Variants in PPP1R13B observed in about 807,000 individuals in gnomAD.
The protein encoded by PPP1R13B is protein phosphatase 1 regulatory subunit 13B.
Under a neutral mutation model 119.8 loss-of-function variants are expected in PPP1R13B, and 44 were observed. The observed-to-expected ratio is 0.37, with a 90% confidence interval of 0.29 to 0.47. PPP1R13B has a LOEUF of 0.47. PPP1R13B is among the 20% of genes least tolerant of loss of function. The pLI is 0.99. For synonymous variants in PPP1R13B, 542 were observed against 561.5 expected, an observed-to-expected ratio of 0.97 and a Z score of 0.49; for missense variants, 1,227 against 1,413.5, an observed-to-expected ratio of 0.87 and a Z score of 2.12.
intron 12 of PPP1R13B, 40 bp downstream of exon 12, chr14:103,739,784 G>A: frequency 6.5e-7 from 1 of 1,546,222 alleles, no homozygotes; most frequent in Non-Finnish European, 8.7e-7. Flanking sequence ...TTGCATGAAT[G>A]ACCAGGAAGG....
In PPP1R13B at chr14:103,828,370, CA is replaced by C. The variant is rs35467099; in HGVS notation, c.9+18928del. Among the ~76,000 whole-genome samples, 530 of 102,214 alleles carry C rather than the reference CA, an allele frequency of 5.2e-3. 4 individuals carry two copies. The highest frequency in any genetic ancestry group is 4.6e-3 in the Non-Finnish European group (235 of 50,684). 67.1% of individuals were successfully genotyped at this position (102,214 alleles called of 152,430 possible). On this transcript the variant is annotated intron_variant, in intron 1 of 16. Transcript: ENST00000202556. ...GGCAACAAGAGCGAAACTCTGTCTCCAAAAAAAAAAAAAAAAAAGTGCAAGA... is the reference window on the plus strand; with the variant it reads ...GGCAACAAGAGCGAAACTCTGTCTCCAAAAAAAAAAAAAAAAAGTGCAAGA...
intron 1 of PPP1R13B, among the ~76,000 whole-genome samples, chr14:103,805,502 T>C (rs1185843889): frequency 6.6e-6 from 1 of 151,284 alleles, no homozygotes; most frequent in East Asian, 1.9e-4. Flanking sequence ...GCTCAGGAGG[T>C]CAAAGCTGCA....
chr14:103,828,939 T>G (rs1291141210), intron 1 of PPP1R13B, among the ~76,000 whole-genome samples: 1 of 152,236 alleles, frequency 6.6e-6, no homozygotes. Context: ...TTCCAAGTAC[T>G]AAATAGTAAT....
At chr14:103,749,479 G>A (rs1453802842) in intron 8 of PPP1R13B, among the ~76,000 whole-genome samples, 2 of 152,166 alleles carry the variant, frequency 1.3e-5, no homozygotes, top group Non-Finnish European at 2.9e-5. Context: ...GGCAGAGTGC[G>A]GACCGTGACA....
At chr14:103,825,157 C>G (rs902679974) in intron 1 of PPP1R13B, among the ~76,000 whole-genome samples, 1 of 152,168 alleles carries the variant, frequency 6.6e-6, no homozygotes, top group African/African-American at 2.4e-5. Context: ...ATAGCACCCA[C>G]GTAGAACAGC....
At chr14:103,828,318 G>A (rs1381393791) in intron 1 of PPP1R13B, among the ~76,000 whole-genome samples, 2 of 143,542 alleles carry the variant, frequency 1.4e-5, no homozygotes, top group East Asian at 2.0e-4. Flanking sequence ...GCAGTGAGCC[G>A]AGATCACACC....
Position 103,786,766 on chromosome 14 carries a change from C to CAA in PPP1R13B, c.158-1854_158-1853dup, listed in dbSNP as rs1174732049. On this transcript the variant is annotated intron_variant, in intron 2 of 16. Coordinates refer to ENST00000202556, the MANE Select transcript of PPP1R13B (RefSeq NM_015316.3). ...AGCAATAAGAGAGAAAACTCTGTCT[C>CAA]AAAAAAAAAAAAAAAAAAAAAAGGC... 3.4e-4 allele frequency among the ~76,000 whole-genome samples: 15 copies of CAA among 44,584 alleles called. 1 individual carries two copies. Among genetic ancestry groups the CAA allele is most frequent in the East Asian group, 9.2e-4 (1 of 1,090 alleles). The allele number at this position is 44,584 out of a possible 152,430, so 29.2% of individuals were successfully genotyped here. A position where few individuals can be genotyped will look rare whatever the true frequency, so the allele number is the denominator to read the frequency against.
chr14:103,845,197 A>C (rs948559034), intron 1 of PPP1R13B, among the ~76,000 whole-genome samples: 1 of 151,122 alleles, frequency 6.6e-6, no homozygotes, highest in African/African-American at 2.4e-5. Flanking sequence ...ATGAATACCA[A>C]ATATACAATA....
At chr14:103,828,946 T>C (rs2086609984) in intron 1 of PPP1R13B, among the ~76,000 whole-genome samples, 1 of 152,222 alleles carries the variant, frequency 6.6e-6, no homozygotes, top group Non-Finnish European at 1.5e-5. Flanking sequence ...TACTAAATAG[T>C]AATCTTTTTA....
intron 1 of PPP1R13B, among the ~76,000 whole-genome samples, chr14:103,805,333 G>A (rs1291939680): frequency 2.0e-5 from 3 of 152,118 alleles, no homozygotes; most frequent in African/African-American, 7.2e-5. Context: ...AACTTTGGGA[G>A]GCCAACGGTG....
intron 1 of PPP1R13B, among the ~76,000 whole-genome samples, chr14:103,815,473 C>G (rs542888635): frequency 1.3e-5 from 2 of 152,276 alleles, no homozygotes; most frequent in African/African-American, 4.8e-5. Flanking sequence ...AACACAAACA[C>G]AGGCTAGGCA....
chr14:103,757,254 A>G (rs1470723883), intron 5 of PPP1R13B, among the ~76,000 whole-genome samples: 1 of 151,330 alleles, frequency 6.6e-6, no homozygotes, highest in Non-Finnish European at 1.5e-5. Context: ...GGGTCTCACT[A>G]TGTTTCCCAG....
Position 103,746,487 on chromosome 14 carries a change from C to G in PPP1R13B, c.1036G>C (p.Val346Leu). The G allele has an allele frequency of 6.2e-7, 1 of 1,614,096 alleles. No individual in the cohort carries two copies. The highest frequency in any genetic ancestry group is 8.5e-7 in the Non-Finnish European group (1 of 1,179,940). The change falls in exon 9 of 17, where the codon GTG becomes CTG. Residue 346 changes from valine (V) to leucine (L), a missense_variant. Transcript: ENST00000202556. ...PLSTSGRVAA[V>L]GPYIQVPSAG... ...CTGGGAACCTGGATATAAGGCCCCA[C>G]AGCAGCGACCCTGCCCGATGTGCTC... is the stretch of plus-strand genomic sequence containing the variant.
chr14:103,797,036 AAAAG>A (rs2085775098), intron 2 of PPP1R13B, among the ~76,000 whole-genome samples: 2 of 151,854 alleles, frequency 1.3e-5, no homozygotes, highest in African/African-American at 2.4e-5. Context: ...AAAAAAAAAA[AAAAG>A]AGAGACAGCC....
chr14:103,831,089 G>A (rs1042487824), intron 1 of PPP1R13B, among the ~76,000 whole-genome samples: 3 of 151,704 alleles, frequency 2.0e-5, no homozygotes, highest in Admixed American at 6.6e-5. Context: ...GACTACAGGC[G>A]TGTGCCACCA....
intron 8 of PPP1R13B, among the ~76,000 whole-genome samples, chr14:103,749,064 AGAGAT>A (rs2084472419): frequency 6.6e-6 from 1 of 152,246 alleles, no homozygotes; most frequent in South Asian, 2.1e-4. Flanking sequence ...TCTGTACTTA[AGAGAT>A]TTATCTTAAG....
intron 1 of PPP1R13B, among the ~76,000 whole-genome samples, chr14:103,807,079 CCA>C (rs2086034142): frequency 2.0e-5 from 3 of 152,230 alleles, no homozygotes; most frequent in Admixed American, 2.0e-4. Flanking sequence ...TCAGTGCTTA[CCA>C]CACTCTTCAT....
At chr14:103,753,267 G>A in intron 6 of PPP1R13B, 71 bp from the exon 7 acceptor site, 1 of 1,425,050 alleles carries the variant, frequency 7.0e-7, no homozygotes, top group Non-Finnish European at 9.5e-7. Context: ...TCTATACACT[G>A]AACTTAATTC....
At chr14:103,820,515 G>A (rs1251361523) in intron 1 of PPP1R13B, among the ~76,000 whole-genome samples, 1 of 150,408 alleles carries the variant, frequency 6.6e-6, no homozygotes. Context: ...AATAGACAGG[G>A]TCTCACTCTG....
Sources: gnomAD v4.1 joint callset for allele counts (sites outside exome capture counted in the v4.1 genomes callset) on GRCh38, gnomAD v4.1.1 for gene constraint, MANE v1.5 for transcripts, NCBI Gene and HGNC (gene_info 2026-07-23, HGNC 2026-07-21) for gene names.